ATXN1: variants seen among roughly 807,000 people sequenced by gnomAD.
The protein encoded by ATXN1 is ataxin 1, also known as ataxin-1.
In ATXN1, 8 loss-of-function variants were observed where a neutral mutation model predicts 56.4. The observed-to-expected ratio is 0.14, with a 90% CI of 0.08 to 0.26. ATXN1 has a LOEUF of 0.26. Ranked by LOEUF, ATXN1 falls within the 10% of genes least tolerant of loss-of-function variation. The pLI is 1.00. For missense variants in ATXN1, 987 were observed against 1,106.5 expected (o/e 0.89, Z 1.53); for synonymous variants, 514 against 494.6 (o/e 1.04, Z -0.52).
intron 2 of ATXN1, among the ~76,000 whole-genome samples, chr6:16,662,636 T>A (rs539221597): frequency 6.6e-6 from 1 of 152,288 alleles, no homozygotes; most frequent in Admixed American, 6.5e-5. Context: ...ACCCGGCCAT[T>A]CATCAGGCTT....
At chr6:16,735,325 T>TGC (rs1760092179) in intron 2 of ATXN1, among the ~76,000 whole-genome samples, 1 of 152,242 alleles carries the variant, frequency 6.6e-6, no homozygotes, top group South Asian at 2.1e-4. Flanking sequence ...ACAGGCTCCC[T>TGC]GCATTGTGGG....
At chr6:16,471,199 C>CACACAT in intron 6 of ATXN1, among the ~76,000 whole-genome samples, 1 of 151,498 alleles carries the variant, frequency 6.6e-6, no homozygotes, top group Non-Finnish European at 1.5e-5. Context: ...AAAACACACA[C>CACACAT]ACACACACAC....
intron 3 of ATXN1, among the ~76,000 whole-genome samples, chr6:16,593,933 C>T (rs1419537883): frequency 6.8e-6 from 1 of 146,086 alleles, no homozygotes; most frequent in African/African-American, 2.5e-5. Context: ...GAGATAGAAG[C>T]TAATACATAT....
intron 5 of ATXN1, among the ~76,000 whole-genome samples, chr6:16,503,795 C>T (rs542524211): frequency 2.0e-4 from 30 of 152,148 alleles, no homozygotes; most frequent in Admixed American, 1.9e-3. Context: ...TGTAAATATA[C>T]ATATATATTA....
At position 16,716,351 on chromosome 6, in the gene ATXN1, A is replaced by C. The variant is rs1270795864; in HGVS notation, c.-615+36882T>G. Among the ~76,000 whole-genome samples the C allele has an allele frequency of 2.6e-5, 4 of 152,214 alleles. No homozygotes were observed. In the South Asian group the frequency reaches 6.2e-4, roughly 24 times the overall value. ...TGGAAAATAGCTCTGACCACTAAAG[A>C]AGCTTTCTTTCAGTATGTTGTAATG... On this transcript the variant is annotated intron_variant, in intron 2 of 7. Transcript: ENST00000436367.
intron 4 of ATXN1, among the ~76,000 whole-genome samples, chr6:16,546,368 T>G (rs1454809721): frequency 6.6e-6 from 1 of 152,170 alleles, no homozygotes; most frequent in Non-Finnish European, 1.5e-5. Context: ...CCCAGGGCCA[T>G]CATGTCCAAC....
At chr6:16,434,693 C>T (rs1254727615) in intron 6 of ATXN1, among the ~76,000 whole-genome samples, 1 of 152,184 alleles carries the variant, frequency 6.6e-6, no homozygotes, top group Non-Finnish European at 1.5e-5. Flanking sequence ...TTTCACTCAA[C>T]AAATCAAATA....
chr6:16,710,719 A>C (rs707844), intron 2 of ATXN1, among the ~76,000 whole-genome samples: 97,870 of 149,052 alleles, frequency 0.66, 32,158 homozygotes, highest in East Asian at 0.85. Context: ...TCACCAGTAG[A>C]TGGGACTACA....
chr6:16,656,309 C>T (rs1316279684), intron 3 of ATXN1, among the ~76,000 whole-genome samples: 1 of 152,084 alleles, frequency 6.6e-6, no homozygotes, highest in African/African-American at 2.4e-5. Context: ...TTATTTAATT[C>T]ATTGCACTAG....
Position 16,327,450 on chromosome 6 carries a change from G to T in ATXN1, c.861C>A (p.Ser287=), listed in dbSNP as rs151076633. The T allele has an allele frequency of 1.2e-4, 186 of 1,613,552 alleles. No individual in the cohort carries two copies. The highest frequency in any genetic ancestry group is 3.3e-4 in the Middle Eastern group (2 of 6,084). Residue 287 remains serine, a synonymous_variant, in exon 7 of 8, where the codon TCC becomes TCA. Coordinates refer to ENST00000436367, the MANE Select transcript of ATXN1 (RefSeq NM_001128164.2). ...IPHTLTLGPP[S]QVVMQYADSG... The stretch of plus-strand genomic sequence containing the variant: ...AGTCGGCGTATTGCATGACGACCTG[G>T]GAGGGGGGCCCCAGGGTGAGCGTGT...
intron 6 of ATXN1, among the ~76,000 whole-genome samples, chr6:16,461,258 T>C (rs1017277651): frequency 4.6e-5 from 7 of 152,198 alleles, no homozygotes; most frequent in Admixed American, 2.0e-4. Flanking sequence ...CACGGGGGCA[T>C]AGTTTTCTCC....
In ATXN1 at chr6:16,760,789, C is replaced by T. The variant is rs1427168086; in HGVS notation, c.-730+509G>A. 5.3e-5 allele frequency among the ~76,000 whole-genome samples: 8 copies of T among 151,242 alleles called. No homozygotes were observed. The highest frequency in any genetic ancestry group is 1.0e-4 in the Non-Finnish European group (7 of 67,682). ...GGAGGAGGAATGGGAAGAGGGCGGC[C>T]GGGAAAGGGACCACCCCCCAACCCC... On this transcript the variant is annotated intron_variant, in intron 1 of 7. Transcript: ENST00000436367. The surrounding 1 kb of genome is among the most constrained non-coding windows in gnomAD (Gnocchi z 5.3).
Position 16,442,556 on chromosome 6 carries a change from G to A in ATXN1, c.-161+43416C>T, listed in dbSNP as rs137877472. Among the ~76,000 whole-genome samples, 32 of 152,132 alleles carry A rather than the reference G, an allele frequency of 2.1e-4. No individual in the cohort carries two copies. The East Asian group carries it at 4.4e-3, about 21-fold the overall frequency. On this transcript the variant is annotated intron_variant, in intron 6 of 7. Transcript: ENST00000436367. Reference sequence around the variant, plus strand: ...TCACTAACATAGATGTTAAGTGGGAGTAAAAGGATATTACCTTAAATCAAA... The same window carrying A: ...TCACTAACATAGATGTTAAGTGGGAATAAAAGGATATTACCTTAAATCAAA...
chr6:16,749,226 G>C (rs1171992893), intron 2 of ATXN1, among the ~76,000 whole-genome samples: 1 of 152,154 alleles, frequency 6.6e-6, no homozygotes, highest in East Asian at 1.9e-4. Context: ...TGCCACAAAT[G>C]AACAATTGCT....
At chr6:16,453,938 C>G (rs1759808760) in intron 6 of ATXN1, among the ~76,000 whole-genome samples, 1 of 151,788 alleles carries the variant, frequency 6.6e-6, no homozygotes, top group Non-Finnish European at 1.5e-5. Context: ...GTCAGGAGTT[C>G]AAGACCAGCC....
intron 6 of ATXN1, among the ~76,000 whole-genome samples, chr6:16,452,391 T>G (rs191176749): frequency 6.6e-6 from 1 of 152,352 alleles, no homozygotes; most frequent in Non-Finnish European, 1.5e-5. Context: ...CAGATTTTGT[T>G]GATAGCATAA....
chr6:16,321,921 C>G (rs957569149), intron 7 of ATXN1, among the ~76,000 whole-genome samples: 1 of 152,206 alleles, frequency 6.6e-6, no homozygotes, highest in Non-Finnish European at 1.5e-5. Context: ...GAGATTATCT[C>G]CTATGAAGAA....
chr6:16,555,581 T>C (rs1002324165), intron 4 of ATXN1, among the ~76,000 whole-genome samples: 10 of 152,304 alleles, frequency 6.6e-5, no homozygotes, highest in Admixed American at 3.9e-4. Flanking sequence ...AGTTTTGACA[T>C]GAGACCGGCT....
chr6:16,552,901 G>C (rs1761948037), intron 4 of ATXN1, among the ~76,000 whole-genome samples: 1 of 152,228 alleles, frequency 6.6e-6, no homozygotes, highest in Non-Finnish European at 1.5e-5. Flanking sequence ...TTCTGTCTAA[G>C]GATGTGGCTG....
Sources: gnomAD v4.1 joint callset for allele counts (sites outside exome capture counted in the v4.1 genomes callset) on GRCh38, gnomAD v4.1.1 for gene constraint, Gnocchi (gnomAD v3.1) non-coding constraint, MANE v1.5 for transcripts, NCBI Gene and HGNC (gene_info 2026-07-23, HGNC 2026-07-21) for gene names.